Variants in FANK1 observed in about 807,000 individuals in gnomAD.
FANK1 encodes the protein fibronectin type III and ankyrin repeat domains 1.
Under a neutral mutation model 45.3 loss-of-function variants are expected in FANK1, and 44 were observed. That is an observed-to-expected ratio of 0.97 (90% CI 0.76 to 1.25). The LOEUF (loss-of-function observed/expected upper bound fraction) is 1.25, where lower values mean the gene tolerates loss of function less well. FANK1 is among the 50% of genes most tolerant of loss of function. The probability of loss-of-function intolerance (pLI) is 0.00; values close to 1 mark genes in which losing one functional copy is unlikely to be tolerated. For synonymous variants in FANK1, 149 were observed against 152.5 expected (o/e 0.98, Z 0.17); for missense variants, 391 against 424.4 (o/e 0.92, Z 0.69).
chr10:125,974,068 C>G (rs895867025), intron 1 of FANK1, among the ~76,000 whole-genome samples: 32 of 152,172 alleles, frequency 2.1e-4, no homozygotes, highest in African/African-American at 7.7e-4. Flanking sequence ...TACTTTGTAA[C>G]TTAATTATCA....
At chr10:125,921,384 C>A (rs567688820) in intron 1 of FANK1, among the ~76,000 whole-genome samples, 1 of 151,936 alleles carries the variant, frequency 6.6e-6, no homozygotes, top group Non-Finnish European at 1.5e-5. Context: ...AAATAGTAAT[C>A]CATTGTATAA....
intron 1 of FANK1, among the ~76,000 whole-genome samples, chr10:125,906,663 T>A (rs1342373624): frequency 6.6e-6 from 1 of 152,156 alleles, no homozygotes; most frequent in Non-Finnish European, 1.5e-5. Context: ...AAACAGTAGC[T>A]GACTCCTAGC....
chr10:125,912,773 G>A (rs981973893), intron 1 of FANK1, among the ~76,000 whole-genome samples: 4 of 152,156 alleles, frequency 2.6e-5, no homozygotes, highest in Admixed American at 2.6e-4. Context: ...GAGTAGCTGG[G>A]ATTACAGGTG....
At chr10:125,956,121 C>T (rs930267568) in intron 1 of FANK1, among the ~76,000 whole-genome samples, 10 of 137,510 alleles carry the variant, frequency 7.3e-5, no homozygotes, top group Non-Finnish European at 1.1e-4. Context: ...GGCTGAAAGG[C>T]GTTCTGCCTA....
intron 1 of FANK1, among the ~76,000 whole-genome samples, chr10:125,911,773 C>T (rs1196587752): frequency 6.6e-6 from 1 of 152,220 alleles, no homozygotes; most frequent in Non-Finnish European, 1.5e-5. Context: ...ATTATTGAGT[C>T]TTCCTCATCT....
intron 1 of FANK1, among the ~76,000 whole-genome samples, chr10:125,942,255 G>C (rs1261475143): frequency 1.3e-5 from 2 of 152,154 alleles, no homozygotes; most frequent in Non-Finnish European, 2.9e-5. Flanking sequence ...AAGGAAACTT[G>C]AACAAAAAGT....
chr10:125,922,750 G>A (rs1947034482), intron 1 of FANK1, among the ~76,000 whole-genome samples: 1 of 152,106 alleles, frequency 6.6e-6, no homozygotes, highest in Non-Finnish European at 1.5e-5. Flanking sequence ...CCTGAGCTCA[G>A]GCCATCCTCT....
At chr10:125,944,325 T>C (rs1302321875) in intron 1 of FANK1, among the ~76,000 whole-genome samples, 1 of 152,256 alleles carries the variant, frequency 6.6e-6, no homozygotes, top group Non-Finnish European at 1.5e-5. Flanking sequence ...ATAAAAGTCA[T>C]ATTTGTCCTT....
intron 2 of FANK1, among the ~76,000 whole-genome samples, chr10:125,984,696 G>A (rs1050669164): frequency 9.9e-5 from 15 of 152,160 alleles, no homozygotes; most frequent in African/African-American, 3.4e-4. Flanking sequence ...GAGAAGAAAG[G>A]GAAGTCTGGT....
chr10:125,906,951 A>C (rs1363571700), intron 1 of FANK1, among the ~76,000 whole-genome samples: 2 of 152,246 alleles, frequency 1.3e-5, no homozygotes, highest in Non-Finnish European at 1.5e-5. Context: ...GAATAACATT[A>C]TGAAGGCTGT....
chr10:126,009,438 A>T lies in FANK1; in HGVS notation c.1038A>T (p.Ter346CysextTer1). The T allele has an allele frequency of 6.2e-7, 1 of 1,614,152 alleles. No individual in the cohort carries two copies. The highest frequency in any genetic ancestry group is 8.5e-7 in the Non-Finnish European group (1 of 1,180,020). Reference sequence around the variant, plus strand: ...GGCCAAAGAAGTCTTGTGTCTGCTGATGAGAGCACCACTCATCTGCGAAAC... The same window carrying T: ...GGCCAAAGAAGTCTTGTGTCTGCTGTTGAGAGCACCACTCATCTGCGAAAC... ...KQRPKKSCVC[*>C] The change falls in exon 11 of 11, where the codon TGA (stop) becomes TGT (cysteine). Residue 346 changes from the stop codon to cysteine, a stop_lost. Coordinates refer to ENST00000368693, the MANE Select transcript of FANK1 (RefSeq NM_145235.5).
At chr10:125,906,348 T>C (rs1283435712) in intron 1 of FANK1, among the ~76,000 whole-genome samples, 1 of 151,746 alleles carries the variant, frequency 6.6e-6, no homozygotes, top group Non-Finnish European at 1.5e-5. Context: ...AAACCCCATC[T>C]CTATTAAAAC....
At chr10:125,951,148 A>G (rs1394460887) in intron 1 of FANK1, among the ~76,000 whole-genome samples, 1 of 149,280 alleles carries the variant, frequency 6.7e-6, no homozygotes, top group East Asian at 2.0e-4. Flanking sequence ...ATGCTAGATG[A>G]CGAGTTAGTG....
intron 1 of FANK1, among the ~76,000 whole-genome samples, chr10:125,976,259 C>T (rs1950846633): frequency 6.6e-6 from 1 of 152,026 alleles, no homozygotes; most frequent in Admixed American, 6.6e-5. Context: ...TCTTTCATTT[C>T]AACGTTGGAA....
chr10:125,983,654 C>T lies in FANK1; in HGVS notation c.191+3316C>T, dbSNP rs1437919687. Among the ~76,000 whole-genome samples, 6 of 152,086 alleles carry T rather than the reference C, an allele frequency of 3.9e-5. No individual in the cohort carries two copies. The highest frequency in any genetic ancestry group is 8.8e-5 in the Non-Finnish European group (6 of 68,036). ...GGGCAGGTGAGAAAGCCTGGCAGTA[C>T]AAATGTACCTGGCTGGTCCCAGGAG... On this transcript the variant is annotated intron_variant, in intron 2 of 10. Transcript: ENST00000368693. The surrounding 1 kb of genome is among the most constrained non-coding windows in gnomAD (Gnocchi z 4.3).
chr10:125,983,390 G>A lies in FANK1; in HGVS notation c.191+3052G>A, dbSNP rs1590162803. Among the ~76,000 whole-genome samples the A allele has an allele frequency of 2.0e-5, 3 of 152,046 alleles. No individual in the cohort carries two copies. In the South Asian group the frequency reaches 6.2e-4, roughly 32 times the overall value. On this transcript the variant is annotated intron_variant, in intron 2 of 10. Transcript: ENST00000368693. The surrounding 1 kb of genome is among the most constrained non-coding windows in gnomAD (Gnocchi z 4.3). ...ACACTGCTCCGGATGCTGGGGATAC[G>A]GCACTGGGAAAAAATTCCTCCCTCA...
At chr10:125,992,166 G>A (rs1590200269) in intron 3 of FANK1, among the ~76,000 whole-genome samples, 1 of 152,220 alleles carries the variant, frequency 6.6e-6, no homozygotes, top group Non-Finnish European at 1.5e-5. Flanking sequence ...TCAGGGGTGG[G>A]AGGAATGAAA....
At chr10:125,984,470 G>A (rs1239624289) in intron 2 of FANK1, among the ~76,000 whole-genome samples, 3 of 152,196 alleles carry the variant, frequency 2.0e-5, no homozygotes, top group Admixed American at 6.5e-5. Flanking sequence ...TCTTCCACAG[G>A]AGGCACCCAG....
rs1234483946 is a variant in FANK1, at chr10:125,997,502, G to A, written c.539+17G>A. 3.1e-6 allele frequency: 5 copies of A among 1,610,194 alleles called. No homozygotes were observed. The highest frequency in any genetic ancestry group is 3.4e-6 in the Non-Finnish European group (4 of 1,177,502). ...CAAGGACAGGTAGGAGGTGGGATAT[G>A]ACTGAAATTGTGCTGATGTTCTCAG... On this transcript the variant is annotated intron_variant, in intron 6 of 10. Coordinates refer to ENST00000368693, the MANE Select transcript of FANK1 (RefSeq NM_145235.5).
Sources: gnomAD v4.1 joint callset for allele counts (sites outside exome capture counted in the v4.1 genomes callset) on GRCh38, gnomAD v4.1.1 for gene constraint, Gnocchi (gnomAD v3.1) non-coding constraint, MANE v1.5 for transcripts, NCBI Gene and HGNC (gene_info 2026-07-23, HGNC 2026-07-21) for gene names.